LCA5: variants seen among roughly 807,000 people sequenced by gnomAD.
The protein encoded by LCA5 is lebercilin LCA5, also known as lebercilin.
In LCA5, 37 loss-of-function variants were observed where a neutral mutation model predicts 53.0. That is an observed-to-expected ratio of 0.70 (90% confidence interval 0.54 to 0.92). The LOEUF is 0.92. LCA5 is among the 40% of genes least tolerant of loss of function. LCA5 has a pLI of 0.00. For synonymous variants in LCA5, 303 were observed against 282.9 expected (o/e 1.07, Z -0.71); for missense variants, 806 against 790.5 (o/e 1.02, Z -0.23).
intron 3 of LCA5, among the ~76,000 whole-genome samples, chr6:79,497,991 C>A (rs1770029927): frequency 6.7e-6 from 1 of 149,052 alleles, no homozygotes; most frequent in Admixed American, 6.7e-5. Context: ...ATGATTAAGT[C>A]AACTGACAAA....
At chr6:79,506,816 T>C (rs1488438338) in intron 3 of LCA5, among the ~76,000 whole-genome samples, 1 of 152,206 alleles carries the variant, frequency 6.6e-6, no homozygotes, top group Non-Finnish European at 1.5e-5. Flanking sequence ...AATGGGGTTT[T>C]CCAAAGGCTC....
rs900483334 is a variant in LCA5, at chr6:79,485,267, TAACTA to T, written c.*1732_*1736del. The T allele has an allele frequency of 6.6e-6, 1 of 152,482 alleles. No individual in the cohort carries two copies. The highest frequency in any genetic ancestry group is 1.5e-5 in the Non-Finnish European group (1 of 67,954). 9.4% of individuals were successfully genotyped at this position (152,482 alleles called of 1,614,324 possible). On this transcript the variant is annotated 3_prime_UTR_variant, in exon 8 of 8. Coordinates refer to ENST00000369846, the MANE Select transcript of LCA5 (RefSeq NM_001122769.3). ...ATTTAAATGACGTGAATAAAAAACT[TAACTA>T]AAAAGTTTTAAAAGCCTTTAAAACA...
chr6:79,505,522 C>T (rs1770251652), intron 3 of LCA5, among the ~76,000 whole-genome samples: 1 of 152,192 alleles, frequency 6.6e-6, no homozygotes, highest in Admixed American at 6.6e-5. Context: ...TGAATTTAGA[C>T]TCATCAGATT....
rs1325651453 is a variant in LCA5 at position 79,491,642 on chromosome 6, T to C, written c.1044A>G (p.Pro348=). The C allele has an allele frequency of 6.2e-7, 1 of 1,613,292 alleles. No homozygotes were observed. Among genetic ancestry groups the C allele is most frequent in the Non-Finnish European group, 8.5e-7 (1 of 1,179,338 alleles). ...DFKPEEYPLT[P]ETIMCYENKW... The stretch of plus-strand genomic sequence containing the variant: ...TGTTTTCGTAACACATAATTGTTTC[T>C]GGAGTTAAAGGATATTCTTCTGGCT... The change falls in exon 6 of 8, where the codon CCA becomes CCG. Residue 348 remains proline, a synonymous_variant. Transcript: ENST00000369846.
upstream of LCA5, among the ~76,000 whole-genome samples, chr6:79,537,856 C>T (rs1767202680): frequency 6.6e-6 from 1 of 152,032 alleles, no homozygotes; most frequent in Non-Finnish European, 1.5e-5. Flanking sequence ...GATCTTCTTA[C>T]CGAAATGGCT....
chr6:79,527,642 C>T (rs569144033), intron 1 of LCA5, among the ~76,000 whole-genome samples: 2 of 152,314 alleles, frequency 1.3e-5, no homozygotes, highest in Admixed American at 1.3e-4. Flanking sequence ...TGGGTAACTC[C>T]GAGCTGGAGA....
chr6:79,513,978 T>C (rs1265746322), intron 2 of LCA5, among the ~76,000 whole-genome samples: 1 of 152,198 alleles, frequency 6.6e-6, no homozygotes, highest in Non-Finnish European at 1.5e-5. Flanking sequence ...GGAATTATTC[T>C]ACATAGCTTT....
rs1004956915 is a variant in LCA5 at position 79,485,512 on chromosome 6, T to C, written c.*1492A>G. ...AGTTTAGCACTTTTGAGAGATTCTG[T>C]TCCCAATAAATGAAAGGAACACAAT... is the stretch of plus-strand genomic sequence containing the variant. On this transcript the variant is annotated 3_prime_UTR_variant, in exon 8 of 8. Coordinates refer to ENST00000369846, the MANE Select transcript of LCA5 (RefSeq NM_001122769.3). 1 of 152,476 alleles carries C rather than the reference T, an allele frequency of 6.6e-6. No individual in the cohort carries two copies. Among genetic ancestry groups the C allele is most frequent in the African/African-American group, 2.4e-5 (1 of 41,454 alleles). 9.4% of individuals were successfully genotyped at this position (152,476 alleles called of 1,614,324 possible). A position where few individuals can be genotyped will look rare whatever the true frequency, so the allele number is the denominator to read the frequency against.
chr6:79,530,441 T>G (rs540880695), intron 1 of LCA5, among the ~76,000 whole-genome samples: 107 of 152,186 alleles, frequency 7.0e-4, no homozygotes, highest in Non-Finnish European at 1.3e-3. Flanking sequence ...AAATAATCTG[T>G]ACAACAAACC....
chr6:79,503,159 G>C (rs79321168), intron 3 of LCA5, among the ~76,000 whole-genome samples: 2,705 of 152,270 alleles, frequency 0.018, 76 homozygotes, highest in African/African-American at 0.061. Flanking sequence ...TGAAATTATA[G>C]GCATGAGCTA....
intron 1 of LCA5, among the ~76,000 whole-genome samples, chr6:79,528,995 G>A (rs1766874039): frequency 6.6e-6 from 1 of 152,228 alleles, no homozygotes; most frequent in South Asian, 2.1e-4. Flanking sequence ...AACCCATTTA[G>A]GGGTTGGCTA....
At chr6:79,489,830 G>C (rs1311088505) in intron 6 of LCA5, among the ~76,000 whole-genome samples, 1 of 152,020 alleles carries the variant, frequency 6.6e-6, no homozygotes, top group Non-Finnish European at 1.5e-5. Flanking sequence ...GGAATCCTTT[G>C]AGTTTTAGCA....
intron 3 of LCA5, among the ~76,000 whole-genome samples, chr6:79,499,875 T>C (rs1582625861): frequency 7.5e-6 from 1 of 134,106 alleles, no homozygotes; most frequent in Non-Finnish European, 1.6e-5. Context: ...GTCCCCAGAG[T>C]GTGATGTTCC....
intron 1 of LCA5, among the ~76,000 whole-genome samples, chr6:79,531,040 T>TA (rs1361856578): frequency 6.6e-6 from 1 of 152,144 alleles, no homozygotes; most frequent in African/African-American, 2.4e-5. Context: ...TGCAAAGATT[T>TA]AGGAAACTGA....
chr6:79,492,149 G>A (rs1345842687), intron 5 of LCA5, among the ~76,000 whole-genome samples: 1 of 151,854 alleles, frequency 6.6e-6, no homozygotes, highest in African/African-American at 2.4e-5. Flanking sequence ...TGACAGCTAA[G>A]ATTTACTTTA....
In LCA5 at chr6:79,485,195, T is replaced by C. The variant is rs879337501; in HGVS notation, c.*1809A>G. The C allele has an allele frequency of 6.6e-6, 1 of 152,564 alleles. No individual in the cohort carries two copies. The highest frequency in any genetic ancestry group is 2.4e-5 in the African/African-American group (1 of 41,450). The allele number at this position is 152,564 out of a possible 1,614,324, so 9.5% of individuals were successfully genotyped here. On this transcript the variant is annotated 3_prime_UTR_variant, in exon 8 of 8. Transcript: ENST00000369846. ...TTTAATTTTAATAATTCTGTCTTGT[T>C]GCATCTTGTTAAAGAGATTATCAGG...
chr6:79,503,763 T>G (rs935331450), intron 3 of LCA5, among the ~76,000 whole-genome samples: 3 of 152,196 alleles, frequency 2.0e-5, no homozygotes, highest in African/African-American at 7.2e-5. Flanking sequence ...AAAGCTGGAA[T>G]GGTGTATAAC....
chr6:79,533,945 T>G (rs1767031925), intron 1 of LCA5, among the ~76,000 whole-genome samples: 1 of 151,392 alleles, frequency 6.6e-6, no homozygotes, highest in South Asian at 2.1e-4. Flanking sequence ...AAAATGTAAA[T>G]AAACTTCAGT....
At chr6:79,491,507 G>T in intron 6 of LCA5, 81 bp downstream of exon 6, 1 of 1,467,590 alleles carries the variant, frequency 6.8e-7, no homozygotes, top group Non-Finnish European at 9.5e-7. Flanking sequence ...CTTCATTACT[G>T]AAATTTTAAA....
Sources: allele counts gnomAD v4.1 joint callset (sites outside exome capture counted in the v4.1 genomes callset), GRCh38; gene constraint gnomAD v4.1.1; transcripts MANE v1.5; gene names NCBI Gene and HGNC (gene_info 2026-07-23, HGNC 2026-07-21).